The following CGGBP1 variants were observed in gnomAD, a reference collection of about 807,000 sequenced individuals.
CGGBP1 encodes CGG triplet repeat binding protein 1.
CGGBP1 carries 4 observed loss-of-function variants against 11.4 expected under a neutral mutation model. That is an observed-to-expected ratio of 0.35 (90% CI 0.17 to 0.80). The LOEUF (loss-of-function observed/expected upper bound fraction) is 0.80. Ranked by LOEUF, CGGBP1 falls within the 30% of genes least tolerant of loss-of-function variation. The pLI is 0.52. For synonymous variants in CGGBP1, 76 were observed against 74.1 expected, an observed-to-expected ratio of 1.03 and a Z score of -0.13; for missense variants, 135 against 202.1, an observed-to-expected ratio of 0.67 and a Z score of 2.01.
At chr3:88,071,637 A>AAAACAAAC (rs10624681) in intron 2 of CGGBP1, among the ~76,000 whole-genome samples, 1 of 150,680 alleles carries the variant, frequency 6.6e-6, no homozygotes, top group Non-Finnish European at 1.5e-5. Context: ...CTCCATCTCA[A>AAAACAAAC]AAACAAACAA....
At chr3:88,122,488 G>T (rs185410790) in intron 2 of CGGBP1, among the ~76,000 whole-genome samples, 11 of 152,292 alleles carry the variant, frequency 7.2e-5, no homozygotes, top group Non-Finnish European at 1.5e-4. Context: ...TCAGGGAAAA[G>T]AATCTTCCTT....
In CGGBP1 at chr3:88,055,724, G is replaced by A. The variant is rs780098553; in HGVS notation, c.253C>T (p.Pro85Ser). 3 of 1,614,176 alleles carry A rather than the reference G, an allele frequency of 1.9e-6. No individual in the cohort carries two copies. In the South Asian group the frequency reaches 3.3e-5, roughly 18 times the overall value. ...TTGCACTGAAGAGATGCAGTTAGGG[G>A]CCTCTGCTTCTTTCTCACATTCTGC... The part of the protein sequence containing the change: ...EEQNVRKKQR[P>S]LTASLQCNST... Residue 85 changes from proline (P) to serine (S), a missense_variant, in exon 4 of 4, where the codon CCC becomes TCC. Pro to Ser is a moderately conservative substitution (Grantham distance 74). Transcript: ENST00000482016. The surrounding 1 kb of genome is among the most constrained non-coding windows in gnomAD (Gnocchi z 4.2).
intron 2 of CGGBP1, chr3:88,095,618 T>A: frequency 1.9e-6 from 1 of 517,162 alleles, no homozygotes; most frequent in Middle Eastern, 5.7e-4. Context: ...TTTCTGGTTC[T>A]AGTCTTATCT....
intron 2 of CGGBP1, among the ~76,000 whole-genome samples, chr3:88,064,425 C>G (rs1177959118): frequency 2.0e-5 from 3 of 152,116 alleles, no homozygotes; most frequent in Non-Finnish European, 4.4e-5. Context: ...TCCAAATGTT[C>G]AGTGTCTTCA....
intron 2 of CGGBP1, among the ~76,000 whole-genome samples, chr3:88,112,301 C>T (rs1389593095): frequency 1.3e-5 from 2 of 151,238 alleles, no homozygotes; most frequent in Non-Finnish European, 3.0e-5. Context: ...AAAAAAACAA[C>T]TTTAGGTAGT....
intron 2 of CGGBP1, among the ~76,000 whole-genome samples, chr3:88,091,793 A>G (rs1320809532): frequency 2.0e-5 from 3 of 152,174 alleles, no homozygotes; most frequent in Admixed American, 1.3e-4. Flanking sequence ...GCCTGCCGCC[A>G]TGTAAGACAT....
At chr3:88,084,323 A>G (rs1708230850) in intron 2 of CGGBP1, among the ~76,000 whole-genome samples, 1 of 152,178 alleles carries the variant, frequency 6.6e-6, no homozygotes, top group South Asian at 2.1e-4. Flanking sequence ...AACAAGAAAA[A>G]TGTGAGGCTG....
At chr3:88,115,068 T>C (rs971857495) in intron 2 of CGGBP1, among the ~76,000 whole-genome samples, 6 of 152,204 alleles carry the variant, frequency 3.9e-5, no homozygotes, top group Non-Finnish European at 8.8e-5. Context: ...TCGTCTCCCA[T>C]AAGTAGGACA....
chr3:88,077,056 C>A (rs1559694194), intron 2 of CGGBP1, among the ~76,000 whole-genome samples: 1 of 152,126 alleles, frequency 6.6e-6, no homozygotes, highest in Non-Finnish European at 1.5e-5. Flanking sequence ...CATCCTCTCA[C>A]TGGTATTTTT....
intron 2 of CGGBP1, chr3:88,129,779 A>T: frequency 1.3e-6 from 2 of 1,527,718 alleles, no homozygotes; most frequent in South Asian, 2.4e-5. Context: ...AACTCTGTGA[A>T]TCCTTTCTTA....
At chr3:88,066,519 A>C (rs1466318146) in intron 2 of CGGBP1, among the ~76,000 whole-genome samples, 3 of 152,194 alleles carry the variant, frequency 2.0e-5, no homozygotes, top group Non-Finnish European at 4.4e-5. Context: ...GTTTGCAGTC[A>C]GCTGAGATCT....
intron 2 of CGGBP1, among the ~76,000 whole-genome samples, chr3:88,118,733 C>T (rs558274832): frequency 3.9e-5 from 6 of 152,210 alleles, no homozygotes; most frequent in South Asian, 2.1e-4. Context: ...TTTTTTGAGG[C>T]GAATTTTCAA....
intron 2 of CGGBP1, among the ~76,000 whole-genome samples, chr3:88,125,412 T>C (rs1441807836): frequency 1.3e-5 from 2 of 152,312 alleles, no homozygotes; most frequent in South Asian, 4.1e-4. Flanking sequence ...GCAGATTCTC[T>C]GAAAAACATT....
In CGGBP1 at chr3:88,119,276, A is replaced by G. The variant is rs1267791975; in HGVS notation, c.-229+21694T>C. On this transcript the variant is annotated intron_variant, in intron 2 of 3. Transcript: ENST00000462901. ...TGGAAATCATCATTCTCAGTAAACT[A>G]TCGCAAGAACAAAAAACCAAACACT... Among the ~76,000 whole-genome samples, 819 of 148,042 alleles carry G rather than the reference A, an allele frequency of 5.5e-3. 5 individuals carry two copies. The highest frequency in any genetic ancestry group is 4.4e-3 in the Non-Finnish European group (295 of 67,014).
At chr3:88,140,514 A>G (rs773738869) in intron 2 of CGGBP1, 19 of 1,613,644 alleles carry the variant, frequency 1.2e-5, no homozygotes, top group African/African-American at 2.7e-5. Flanking sequence ...TTCTGATGAC[A>G]CTGTTTCAAA....
At chr3:88,088,882 C>T (rs556577260) in intron 2 of CGGBP1, among the ~76,000 whole-genome samples, 50 of 151,916 alleles carry the variant, frequency 3.3e-4, no homozygotes, top group African/African-American at 1.1e-3. Context: ...AAGCAATTCT[C>T]CTGCCTCAGC....
intron 2 of CGGBP1, among the ~76,000 whole-genome samples, chr3:88,131,296 G>T (rs193272588): frequency 6.6e-6 from 1 of 152,280 alleles, no homozygotes; most frequent in East Asian, 1.9e-4. Context: ...TCTGTTCACT[G>T]AAATGTTGTT....
intron 2 of CGGBP1, chr3:88,140,907 C>A: frequency 6.2e-7 from 1 of 1,613,468 alleles, no homozygotes; most frequent in South Asian, 1.1e-5. Context: ...CTGTTCTGAT[C>A]AAGATAACGT....
chr3:88,125,631 A>G (rs1326806046), intron 2 of CGGBP1, among the ~76,000 whole-genome samples: 1 of 152,182 alleles, frequency 6.6e-6, no homozygotes, highest in Non-Finnish European at 1.5e-5. Context: ...TCCATCTTCC[A>G]GCCTTCTACC....
Sources: gnomAD v4.1 joint callset for allele counts (sites outside exome capture counted in the v4.1 genomes callset) on GRCh38, gnomAD v4.1.1 for gene constraint, Gnocchi (gnomAD v3.1) non-coding constraint, MANE v1.5 for transcripts, NCBI Gene and HGNC (gene_info 2026-07-23, HGNC 2026-07-21) for gene names.